TAFA2: variants seen among roughly 807,000 people sequenced by gnomAD.
TAFA2 encodes the protein chemokine-like protein TAFA-2.
In TAFA2, 7 loss-of-function variants were observed where a neutral mutation model predicts 18.8. The observed-to-expected ratio is 0.37, with a 90% confidence interval of 0.21 to 0.70. The LOEUF (loss-of-function observed/expected upper bound fraction) is 0.70, where lower values mean the gene tolerates loss of function less well. TAFA2 is among the 30% of genes least tolerant of loss of function. The pLI, the probability that TAFA2 is intolerant of heterozygous loss-of-function variation, is 0.53. For synonymous variants in TAFA2, 60 were observed against 54.2 expected (o/e 1.11, Z -0.47); for missense variants, 122 against 158.1 (o/e 0.77, Z 1.23).
Position 61,710,422 on chromosome 12 carries a change from A to T in TAFA2, c.385-5T>A. 6.2e-7 allele frequency: 1 copy of T among 1,605,334 alleles called. No homozygotes were observed. Among genetic ancestry groups the T allele is most frequent in the Non-Finnish European group, 8.5e-7 (1 of 1,172,388 alleles). Reference sequence around the variant, plus strand: ...TCTCCTGGGTTAATGGGTTACCTACAAAGGAAGGAGAAAATATAGTCAACA... The same window carrying T: ...TCTCCTGGGTTAATGGGTTACCTACTAAGGAAGGAGAAAATATAGTCAACA... On this transcript the variant is annotated splice_polypyrimidine_tract_variant and splice_region_variant and intron_variant, in intron 4 of 4. Coordinates refer to ENST00000416284, the MANE Select transcript of TAFA2 (RefSeq NM_178539.5).
intron 1 of TAFA2, among the ~76,000 whole-genome samples, chr12:61,955,732 TA>T (rs1463397312): frequency 6.9e-6 from 1 of 145,810 alleles, no homozygotes; most frequent in Admixed American, 6.9e-5. Context: ...TATGTTTTTT[TA>T]AAAAAATTGC....
chr12:61,768,163 A>G (rs1869868979), intron 2 of TAFA2, among the ~76,000 whole-genome samples: 1 of 152,284 alleles, frequency 6.6e-6, no homozygotes, highest in Admixed American at 6.5e-5. Flanking sequence ...AAAAACCTAG[A>G]AAGCAGTAGA....
chr12:62,055,133 C>G (rs969167753), intron 1 of TAFA2, among the ~76,000 whole-genome samples: 4 of 152,130 alleles, frequency 2.6e-5, no homozygotes, highest in African/African-American at 9.7e-5. Flanking sequence ...GCTCCCTCCC[C>G]ACTTCCACCA....
chr12:61,734,771 G>T (rs1322411640), intron 4 of TAFA2, among the ~76,000 whole-genome samples: 2 of 151,790 alleles, frequency 1.3e-5, no homozygotes, highest in African/African-American at 4.8e-5. Context: ...TTTAAATAAA[G>T]AAATATATAC....
chr12:61,832,466 T>C (rs1872755837), intron 2 of TAFA2, among the ~76,000 whole-genome samples: 1 of 152,060 alleles, frequency 6.6e-6, no homozygotes, highest in Non-Finnish European at 1.5e-5. Flanking sequence ...CAGGCAGTCA[T>C]TCAAGTCACT....
chr12:61,966,851 T>G (rs1024771851), intron 1 of TAFA2, among the ~76,000 whole-genome samples: 2 of 151,932 alleles, frequency 1.3e-5, no homozygotes, highest in African/African-American at 2.4e-5. Context: ...TATGGACACA[T>G]TTACAACATT....
intron 2 of TAFA2, among the ~76,000 whole-genome samples, chr12:61,803,477 A>G (rs190008753): frequency 2.2e-4 from 34 of 152,038 alleles, no homozygotes; most frequent in African/African-American, 7.7e-4. Flanking sequence ...TATTCCTTCT[A>G]TATACACTAA....
chr12:61,928,483 T>C (rs1428534550), intron 1 of TAFA2, among the ~76,000 whole-genome samples: 1 of 152,152 alleles, frequency 6.6e-6, no homozygotes, highest in Non-Finnish European at 1.5e-5. Context: ...CTCATGCCAG[T>C]TAGAATGGCG....
chr12:62,213,020 A>C (rs1481221906), intron 1 of TAFA2, among the ~76,000 whole-genome samples: 2 of 152,250 alleles, frequency 1.3e-5, no homozygotes, highest in Admixed American at 1.3e-4. Flanking sequence ...AAGTGCAATT[A>C]TGAAATTATA....
At chr12:62,029,624 A>ATTTTGGTTTTTTT (rs140767222) in intron 1 of TAFA2, among the ~76,000 whole-genome samples, 1 of 151,742 alleles carries the variant, frequency 6.6e-6, no homozygotes, top group Non-Finnish European at 1.5e-5. Context: ...AAAAAGCCAA[A>ATTTTGGTTTTTTT]ACATGGATTA....
chr12:61,847,834 G>A (rs1873468821), intron 2 of TAFA2, among the ~76,000 whole-genome samples: 1 of 152,148 alleles, frequency 6.6e-6, no homozygotes, highest in African/African-American at 2.4e-5. Flanking sequence ...TTTGAGATAT[G>A]ACATTTGCAG....
intron 2 of TAFA2, among the ~76,000 whole-genome samples, chr12:61,853,367 TAAGAC>T (rs1232009885): frequency 6.6e-6 from 1 of 152,002 alleles, no homozygotes; most frequent in African/African-American, 2.4e-5. Context: ...TATGTGGAAA[TAAGAC>T]AGAGAGTGAC....
chr12:61,908,522 A>G (rs1419501811), intron 1 of TAFA2, among the ~76,000 whole-genome samples: 1 of 152,074 alleles, frequency 6.6e-6, no homozygotes, highest in African/African-American at 2.4e-5. Context: ...CCCATCTCTC[A>G]GGTATGTCTT....
chr12:62,013,566 T>C (rs1024541829), intron 1 of TAFA2, among the ~76,000 whole-genome samples: 1 of 152,206 alleles, frequency 6.6e-6, no homozygotes, highest in African/African-American at 2.4e-5. Context: ...GCATGGTGGC[T>C]CTGTTGGAGT....
At chr12:62,069,870 TTAGATTAA>T (rs1160410645) in intron 1 of TAFA2, among the ~76,000 whole-genome samples, 6 of 152,176 alleles carry the variant, frequency 3.9e-5, no homozygotes, top group Non-Finnish European at 7.4e-5. Context: ...ACACTTTTAT[TTAGATTAA>T]ATACGATGTT....
chr12:62,035,563 A>G (rs967210816), intron 1 of TAFA2, among the ~76,000 whole-genome samples: 41 of 151,488 alleles, frequency 2.7e-4, no homozygotes, highest in Admixed American at 2.0e-3. Context: ...ATTAAAAAAA[A>G]AAACCACACA....
At chr12:61,751,179 G>A (rs1329880025) in intron 4 of TAFA2, among the ~76,000 whole-genome samples, 2 of 151,874 alleles carry the variant, frequency 1.3e-5, no homozygotes, top group Non-Finnish European at 1.5e-5. Context: ...TTTTCTTATC[G>A]CCTCCAATCT....
At chr12:62,120,352 G>A (rs1342677222) in intron 1 of TAFA2, among the ~76,000 whole-genome samples, 1 of 152,158 alleles carries the variant, frequency 6.6e-6, no homozygotes, top group Non-Finnish European at 1.5e-5. Flanking sequence ...ATAGGCATTT[G>A]TATTTCTTTT....
At chr12:61,820,786 C>CT (rs1408075868) in intron 2 of TAFA2, among the ~76,000 whole-genome samples, 2 of 151,964 alleles carry the variant, frequency 1.3e-5, no homozygotes, top group African/African-American at 2.4e-5. Flanking sequence ...CACCTGACCT[C>CT]TTAGGATTTC....
Sources: allele counts gnomAD v4.1 joint callset (sites outside exome capture counted in the v4.1 genomes callset), GRCh38; gene constraint gnomAD v4.1.1; transcripts MANE v1.5; gene names NCBI Gene and HGNC (gene_info 2026-07-23, HGNC 2026-07-21).